SMU1: variants seen among roughly 807,000 people sequenced by gnomAD.
SMU1 encodes the protein SMU1 DNA replication regulator and spliceosomal factor, also known as WD40 repeat-containing protein SMU1.
A neutral mutation model predicts 62.0 loss-of-function variants in SMU1; 2 were observed. That is an observed-to-expected ratio of 0.03 (90% CI 0.01 to 0.10). The LOEUF is 0.10. Among genes scored for constraint, SMU1 ranks in the 10% least tolerant of loss-of-function variants. The pLI, the probability that SMU1 is intolerant of heterozygous loss-of-function variation, is 1.00. For synonymous variants in SMU1, 188 were observed against 212.4 expected, an observed-to-expected ratio of 0.89 and a Z score of 1.00; for missense variants, 227 against 622.1, an observed-to-expected ratio of 0.36 and a Z score of 6.76.
intron 3 of SMU1, among the ~76,000 whole-genome samples, chr9:33,070,081 C>T (rs917607984): frequency 1.3e-5 from 2 of 151,668 alleles, no homozygotes; most frequent in Admixed American, 6.6e-5. Flanking sequence ...GCCGAGATCA[C>T]GCCACTGCAC....
chr9:33,054,168 TTTC>T (rs1839280636), intron 9 of SMU1, among the ~76,000 whole-genome samples: 2 of 152,018 alleles, frequency 1.3e-5, no homozygotes, highest in Non-Finnish European at 2.9e-5. Context: ...AAAAACCGCT[TTTC>T]TTTTCTTTTT....
At chr9:33,048,963 A>G (rs1455587798) in intron 10 of SMU1, among the ~76,000 whole-genome samples, 1 of 152,228 alleles carries the variant, frequency 6.6e-6, no homozygotes, top group Non-Finnish European at 1.5e-5. Flanking sequence ...CAAAATTCTG[A>G]TGAAGGATAT....
intron 5 of SMU1, 68 bp downstream of exon 5, chr9:33,061,981 G>A (rs1839366787): frequency 1.2e-5 from 19 of 1,539,192 alleles, no homozygotes; most frequent in Admixed American, 1.8e-5. Flanking sequence ...CTGGCACAGG[G>A]CCTGGCTGAG....
rs1187926629 is a variant in SMU1, at chr9:33,067,355, A to G, written c.501+1469T>C. 4.6e-5 allele frequency among the ~76,000 whole-genome samples: 7 copies of G among 151,152 alleles called. No individual in the cohort carries two copies. The East Asian group carries it at 1.4e-3, about 29-fold the overall frequency. ...TAATAACAGTATAAACATGGTATTC[A>G]GCTATGGAGCTAAGTCAGGAAAGTT... is the stretch of plus-strand genomic sequence containing the variant. On this transcript the variant is annotated intron_variant, in intron 4 of 11. Coordinates refer to ENST00000397149, the MANE Select transcript of SMU1 (RefSeq NM_018225.3).
rs1040655683 is a variant in SMU1, at chr9:33,046,311, A to G, written c.*982T>C. 1 of 152,188 alleles carries G rather than the reference A, an allele frequency of 6.6e-6. No individual in the cohort carries two copies. The highest frequency in any genetic ancestry group is 6.5e-5 in the Admixed American group (1 of 15,282). The allele number at this position is 152,188 out of a possible 1,614,324, so 9.4% of individuals were successfully genotyped here. On this transcript the variant is annotated 3_prime_UTR_variant, in exon 12 of 12. Transcript: ENST00000397149. ...TAGTTCTATCCAGAAGATGGAGACA[A>G]TATTCCCTGGAGTTGACTGAACATG...
Position 33,043,682 on chromosome 9 carries a change from T to C in SMU1, c.*3611A>G. The C allele has an allele frequency of 6.6e-6, 1 of 151,934 alleles. No homozygotes were observed. The highest frequency in any genetic ancestry group is 1.9e-4 in the East Asian group (1 of 5,172). 9.4% of individuals were successfully genotyped at this position (151,934 alleles called of 1,614,324 possible). On this transcript the variant is annotated 3_prime_UTR_variant, in exon 12 of 12. Coordinates refer to ENST00000397149, the MANE Select transcript of SMU1 (RefSeq NM_018225.3). ...CTTTGTCCCTGCCCAAACCTAAAGA[T>C]TGAGGAGGAACTGACAGCAATATTG...
intron 4 of SMU1, among the ~76,000 whole-genome samples, chr9:33,065,293 T>C (rs1410011241): frequency 1.3e-5 from 2 of 152,122 alleles, no homozygotes; most frequent in African/African-American, 4.8e-5. Flanking sequence ...CCTTCTTATA[T>C]TTTCTACCAA....
chr9:33,068,748 T>C (rs1839454058), intron 4 of SMU1, 76 bp downstream of exon 4: 1 of 1,534,388 alleles, frequency 6.5e-7, no homozygotes, highest in Admixed American at 1.8e-5. Flanking sequence ...CAAGTGATTC[T>C]CCTGCCTCAG....
intron 3 of SMU1, among the ~76,000 whole-genome samples, chr9:33,071,155 T>C (rs182636130): frequency 3.9e-5 from 6 of 152,086 alleles, no homozygotes; most frequent in African/African-American, 1.4e-4. Context: ...CCATAAAAAA[T>C]TTTTTTTAAT....
chr9:33,061,286 A>G (rs1487685109), intron 5 of SMU1, among the ~76,000 whole-genome samples: 1 of 152,264 alleles, frequency 6.6e-6, no homozygotes, highest in Non-Finnish European at 1.5e-5. Flanking sequence ...TTAGCCCAGC[A>G]GCATAATAAT....
At position 33,058,356 on chromosome 9, in the gene SMU1, G is replaced by A. The variant is rs189492823; in HGVS notation, c.751-642C>T. ...TTTTGAGACAGAGTCTTGCTCTGTC[G>A]TCTAGGCTGCAGTGCAGTGATGCAA... On this transcript the variant is annotated intron_variant, in intron 6 of 11. Coordinates refer to ENST00000397149, the MANE Select transcript of SMU1 (RefSeq NM_018225.3). Among the ~76,000 whole-genome samples the A allele has an allele frequency of 2.0e-3, 300 of 152,142 alleles. 1 individual carries two copies. Among genetic ancestry groups the A allele is most frequent in the East Asian group, 0.011 (57 of 5,184 alleles).
At position 33,046,232 on chromosome 9, in the gene SMU1, A is replaced by G. The variant is rs1402670408; in HGVS notation, c.*1061T>C. The G allele has an allele frequency of 2.0e-5, 3 of 152,236 alleles. No individual in the cohort carries two copies. The East Asian group carries it at 5.8e-4, about 29-fold the overall frequency. The allele number at this position is 152,236 out of a possible 1,614,324, so 9.4% of individuals were successfully genotyped here. A position where few individuals can be genotyped will look rare whatever the true frequency, so the allele number is the denominator to read the frequency against. On this transcript the variant is annotated 3_prime_UTR_variant, in exon 12 of 12. Coordinates refer to ENST00000397149, the MANE Select transcript of SMU1 (RefSeq NM_018225.3). ...TTTTCAATGCCAAACCTTCTCCTACAACATACAAAGGGGAGATGCCAAAAC... is the reference window on the plus strand; with the variant it reads ...TTTTCAATGCCAAACCTTCTCCTACGACATACAAAGGGGAGATGCCAAAAC...
At chr9:33,068,046 C>T (rs1839442242) in intron 4 of SMU1, among the ~76,000 whole-genome samples, 1 of 152,084 alleles carries the variant, frequency 6.6e-6, no homozygotes, top group Non-Finnish European at 1.5e-5. Flanking sequence ...TTACAAGGTG[C>T]CAGGAAATGT....
chr9:33,048,930 CA>C (rs1304977805), intron 10 of SMU1, among the ~76,000 whole-genome samples: 2 of 152,068 alleles, frequency 1.3e-5, no homozygotes, highest in Non-Finnish European at 2.9e-5. Context: ...AAAATACATA[CA>C]ATATTTAAAT....
chr9:33,067,759 A>G (rs1587712080), intron 4 of SMU1, among the ~76,000 whole-genome samples: 1 of 152,160 alleles, frequency 6.6e-6, no homozygotes, highest in African/African-American at 2.4e-5. Context: ...TTGGCCTCCC[A>G]AAGTGCTGGG....
rs1450758615 is a variant in SMU1 at position 33,045,687 on chromosome 9, A to G, written c.*1606T>C. The G allele has an allele frequency of 6.6e-6, 1 of 152,324 alleles. No homozygotes were observed. 9.4% of individuals were successfully genotyped at this position (152,324 alleles called of 1,614,324 possible). On this transcript the variant is annotated 3_prime_UTR_variant, in exon 12 of 12. Transcript: ENST00000397149. ...TGGCAAAACCCCCGCTCTACTAAAA[A>G]TACAAAAATTAGCCAGGCATGCTGG...
rs575681317 is a variant in SMU1, at chr9:33,046,000, G to A, written c.*1293C>T. ...AAGAACTCACGTTCTTGAAAGTACT[G>A]CCTAGCATGGTATCTTCCTCATCAT... On this transcript the variant is annotated 3_prime_UTR_variant, in exon 12 of 12. Coordinates refer to ENST00000397149, the MANE Select transcript of SMU1 (RefSeq NM_018225.3). 1 of 152,324 alleles carries A rather than the reference G, an allele frequency of 6.6e-6. No individual in the cohort carries two copies. Among genetic ancestry groups the A allele is most frequent in the East Asian group, 1.9e-4 (1 of 5,194 alleles). 9.4% of individuals were successfully genotyped at this position (152,324 alleles called of 1,614,324 possible).
At chr9:33,063,520 G>A (rs111579676) in intron 4 of SMU1, among the ~76,000 whole-genome samples, 118 of 152,128 alleles carry the variant, frequency 7.8e-4, no homozygotes, top group African/African-American at 2.6e-3. Flanking sequence ...CATTTAAAAC[G>A]GGGGTCCCCA....
rs184909434 is a variant in SMU1, at chr9:33,056,625, T to C, written c.995+212A>G. Among the ~76,000 whole-genome samples the C allele has an allele frequency of 2.0e-5, 3 of 152,282 alleles. No individual in the cohort carries two copies. The East Asian group carries it at 5.8e-4, about 29-fold the overall frequency. On this transcript the variant is annotated intron_variant, in intron 8 of 11. Coordinates refer to ENST00000397149, the MANE Select transcript of SMU1 (RefSeq NM_018225.3). ...AGAAACATGAAGCACTGCTACCCCC[T>C]TTCAAATGTCTCTTCTGGGTAAAAA...
Sources: allele counts gnomAD v4.1 joint callset (sites outside exome capture counted in the v4.1 genomes callset), GRCh38; gene constraint gnomAD v4.1.1; transcripts MANE v1.5; gene names NCBI Gene and HGNC (gene_info 2026-07-23, HGNC 2026-07-21).